The following FHIT variants were observed in gnomAD, a reference collection of about 807,000 sequenced individuals.
The protein encoded by FHIT is fragile histidine triad diadenosine triphosphatase, also known as bis(5'-adenosyl)-triphosphatase.
In FHIT, 19 loss-of-function variants were observed where a neutral mutation model predicts 17.9. The ratio of observed to expected loss-of-function variants is 1.06; its 90% CI spans 0.74 to 1.56. The LOEUF is 1.56. FHIT is among the 40% of genes most tolerant of loss of function. The pLI, the probability that FHIT is intolerant of heterozygous loss-of-function variation, is 0.00. For synonymous variants in FHIT, 81 were observed against 69.7 expected (o/e 1.16, Z -0.81); for missense variants, 248 against 189.2 (o/e 1.31, Z -1.82).
chr3:59,976,926 C>G (rs1708439088), intron 7 of FHIT, among the ~76,000 whole-genome samples: 1 of 152,062 alleles, frequency 6.6e-6, no homozygotes, highest in African/African-American at 2.4e-5. Flanking sequence ...CTAGGCATGG[C>G]TTGAAGACAC....
chr3:59,966,757 G>A (rs371504719), intron 7 of FHIT, among the ~76,000 whole-genome samples: 1 of 152,162 alleles, frequency 6.6e-6, no homozygotes, highest in East Asian at 1.9e-4. Context: ...GGGTGAGTCA[G>A]TGAGTAAGGG....
chr3:59,993,968 C>G (rs567696006), intron 7 of FHIT, among the ~76,000 whole-genome samples: 1 of 152,152 alleles, frequency 6.6e-6, no homozygotes, highest in South Asian at 2.1e-4. Flanking sequence ...ATTCTAGGCA[C>G]TGTGATAAGT....
At chr3:59,767,219 C>T (rs1247024952) in intron 8 of FHIT, among the ~76,000 whole-genome samples, 1 of 152,146 alleles carries the variant, frequency 6.6e-6, no homozygotes, top group Non-Finnish European at 1.5e-5. Context: ...GAGAGCTGGG[C>T]CGGGCGCGGT....
intron 5 of FHIT, among the ~76,000 whole-genome samples, chr3:60,448,835 T>C (rs941979645): frequency 1.3e-5 from 2 of 152,178 alleles, no homozygotes; most frequent in Non-Finnish European, 2.9e-5. Flanking sequence ...TATGAAATCT[T>C]TATAGCTAGT....
intron 5 of FHIT, among the ~76,000 whole-genome samples, chr3:60,184,701 G>A (rs921709618): frequency 6.6e-6 from 1 of 152,096 alleles, no homozygotes. Context: ...ACGTGTGGCC[G>A]ACATTTAAGA....
Position 60,511,011 on chromosome 3 carries a change from A to G in FHIT, c.103+25849T>C, listed in dbSNP as rs1006225906. 1.5e-3 allele frequency among the ~76,000 whole-genome samples: 232 copies of G among 152,312 alleles called. 1 individual carries two copies. Among genetic ancestry groups the G allele is most frequent in the Non-Finnish European group, 2.6e-3 (175 of 68,028 alleles). On this transcript the variant is annotated intron_variant, in intron 5 of 9. Coordinates refer to ENST00000492590, the MANE Select transcript of FHIT (RefSeq NM_002012.4). ...TTCTGATGATGGGGGAAATGCAGGT[A>G]ATAATGAGTAGCTATTTTATTATTA...
intron 5 of FHIT, among the ~76,000 whole-genome samples, chr3:60,379,546 G>C (rs908490569): frequency 6.6e-6 from 1 of 152,136 alleles, no homozygotes; most frequent in African/African-American, 2.4e-5. Flanking sequence ...GGAACATTGA[G>C]TACTGTTGGT....
At chr3:60,902,713 T>C (rs1041528355) in intron 3 of FHIT, among the ~76,000 whole-genome samples, 3 of 152,286 alleles carry the variant, frequency 2.0e-5, no homozygotes, top group African/African-American at 7.2e-5. Flanking sequence ...AAAGTGCAAC[T>C]AAGTGGATGA....
chr3:59,856,084 A>T (rs1236442466), intron 8 of FHIT, among the ~76,000 whole-genome samples: 1 of 152,162 alleles, frequency 6.6e-6, no homozygotes. Context: ...CCCAGCCAAT[A>T]GATAAACCTT....
At chr3:60,569,174 A>G (rs185855221) in intron 4 of FHIT, among the ~76,000 whole-genome samples, 66 of 152,192 alleles carry the variant, frequency 4.3e-4, no homozygotes, top group Admixed American at 4.2e-3. Context: ...CCAAGGTAAC[A>G]TTTCAGGCAG....
intron 4 of FHIT, among the ~76,000 whole-genome samples, chr3:60,615,742 A>G (rs2038931960): frequency 6.6e-6 from 1 of 152,232 alleles, no homozygotes; most frequent in Non-Finnish European, 1.5e-5. Context: ...CCAGTAGGAG[A>G]AAAAGACATT....
At chr3:61,127,727 T>G (rs546981922) in intron 2 of FHIT, among the ~76,000 whole-genome samples, 124 of 149,344 alleles carry the variant, frequency 8.3e-4, no homozygotes, top group African/African-American at 2.9e-3. Context: ...TATTTTTTTT[T>G]GTATTACAGG....
intron 3 of FHIT, among the ~76,000 whole-genome samples, chr3:60,899,132 A>G (rs944562333): frequency 2.0e-5 from 3 of 152,234 alleles, no homozygotes; most frequent in South Asian, 2.1e-4. Context: ...CCAAAAGCTT[A>G]GGAAAATAAT....
chr3:59,833,535 TTCTAG>T (rs374014845), intron 8 of FHIT, among the ~76,000 whole-genome samples: 109 of 152,314 alleles, frequency 7.2e-4, no homozygotes, highest in Middle Eastern at 3.4e-3. Context: ...AACTTCAGAC[TTCTAG>T]TCTCCAGAAC....
intron 5 of FHIT, among the ~76,000 whole-genome samples, chr3:60,288,040 G>T (rs187809600): frequency 6.6e-6 from 1 of 152,266 alleles, no homozygotes; most frequent in Admixed American, 6.5e-5. Flanking sequence ...CTGGGAAACT[G>T]GAGTCACAAC....
At chr3:60,903,683 C>A (rs1182253692) in intron 3 of FHIT, among the ~76,000 whole-genome samples, 1 of 152,144 alleles carries the variant, frequency 6.6e-6, no homozygotes, top group Non-Finnish European at 1.5e-5. Context: ...TGAAGTTGCA[C>A]TATATCTCTA....
rs67142172 is a variant in FHIT at position 61,137,262 on chromosome 3, CTTTTT to C, written c.-164+63350_-164+63354del. ...TCTAAAACGTATCATAGGTTTCACTCTTTTTTTTTTTTTTTTTTTTTTTGGTACAC... is the reference window on the plus strand; with the variant it reads ...TCTAAAACGTATCATAGGTTTCACTCTTTTTTTTTTTTTTTTTTGGTACAC... On this transcript the variant is annotated intron_variant, in intron 2 of 9. Coordinates refer to ENST00000492590, the MANE Select transcript of FHIT (RefSeq NM_002012.4). Among the ~76,000 whole-genome samples the C allele has an allele frequency of 7.1e-4, 75 of 105,508 alleles. 1 individual carries two copies. The highest frequency in any genetic ancestry group is 4.0e-3 in the Admixed American group (39 of 9,870). The allele number at this position is 105,508 out of a possible 152,430, so 69.2% of individuals were successfully genotyped here.
chr3:60,265,903 A>G (rs928739102), intron 5 of FHIT, among the ~76,000 whole-genome samples: 4 of 152,094 alleles, frequency 2.6e-5, no homozygotes, highest in African/African-American at 4.8e-5. Flanking sequence ...AAGGTCACCT[A>G]TAACTAAAAA....
At chr3:60,956,249 A>C (rs1709152144) in intron 3 of FHIT, among the ~76,000 whole-genome samples, 1 of 152,328 alleles carries the variant, frequency 6.6e-6, no homozygotes, top group African/African-American at 2.4e-5. Flanking sequence ...TATAAAAAAC[A>C]AAACCCAACC....
Sources: allele counts gnomAD v4.1 joint callset (sites outside exome capture counted in the v4.1 genomes callset), GRCh38; gene constraint gnomAD v4.1.1; transcripts MANE v1.5; gene names NCBI Gene and HGNC (gene_info 2026-07-23, HGNC 2026-07-21).